ANTXR2: variants seen among roughly 807,000 people sequenced by gnomAD.
ANTXR2 encodes the protein anthrax toxin receptor 2.
Under a neutral mutation model 73.7 loss-of-function variants are expected in ANTXR2, and 44 were observed. That is an observed-to-expected ratio of 0.60 (90% CI 0.47 to 0.77). The LOEUF (loss-of-function observed/expected upper bound fraction) is 0.77, where lower values mean the gene tolerates loss of function less well. ANTXR2 is among the 30% of genes least tolerant of loss of function. The pLI is 0.00. For synonymous variants in ANTXR2, 217 were observed against 205.9 expected, an observed-to-expected ratio of 1.05 and a Z score of -0.46; for missense variants, 604 against 592.5, an observed-to-expected ratio of 1.02 and a Z score of -0.20.
At chr4:79,907,870 T>C (rs2109924007) in intron 16 of ANTXR2, among the ~76,000 whole-genome samples, 1 of 152,302 alleles carries the variant, frequency 6.6e-6, no homozygotes, top group Middle Eastern at 3.4e-3. Flanking sequence ...TCACATTTAG[T>C]AAGCAGTAAG....
At chr4:80,006,564 C>T (rs568563654) in intron 12 of ANTXR2, among the ~76,000 whole-genome samples, 7 of 152,108 alleles carry the variant, frequency 4.6e-5, no homozygotes, top group Non-Finnish European at 1.0e-4. Flanking sequence ...TTTCTGAGGA[C>T]GGGAAGCCTT....
chr4:80,005,798 T>C (rs984145344), intron 12 of ANTXR2, among the ~76,000 whole-genome samples: 1 of 152,140 alleles, frequency 6.6e-6, no homozygotes, highest in East Asian at 1.9e-4. Flanking sequence ...GACTAGACTT[T>C]AGCACTACTG....
chr4:79,920,595 G>C (rs761470370), intron 16 of ANTXR2, among the ~76,000 whole-genome samples: 3 of 152,078 alleles, frequency 2.0e-5, no homozygotes, highest in Non-Finnish European at 2.9e-5. Flanking sequence ...CAAGGGCAAA[G>C]GCTGTGGGGA....
intron 3 of ANTXR2, among the ~76,000 whole-genome samples, chr4:80,069,230 T>A (rs1183452812): frequency 6.6e-6 from 1 of 152,138 alleles, no homozygotes. Context: ...CACTGCACAT[T>A]CCACAGCCAC....
intron 12 of ANTXR2, among the ~76,000 whole-genome samples, chr4:79,996,393 C>T (rs1730731780): frequency 6.6e-6 from 1 of 151,640 alleles, no homozygotes; most frequent in Non-Finnish European, 1.5e-5. Flanking sequence ...TAGATAATTA[C>T]ACAGATAGTT....
chr4:79,963,317 T>G lies in ANTXR2; in HGVS notation c.1428+14304A>C, dbSNP rs145019193. Among the ~76,000 whole-genome samples, 287 of 152,278 alleles carry G rather than the reference T, an allele frequency of 1.9e-3. 2 individuals carry two copies. Among genetic ancestry groups the G allele is most frequent in the Non-Finnish European group, 2.2e-3 (150 of 68,014 alleles). ...TTTGCCTTTGACGTTATCAGGATTCTCGGGTCCCTTTTAAATGAACTTGTG... is the reference window on the plus strand; with the variant it reads ...TTTGCCTTTGACGTTATCAGGATTCGCGGGTCCCTTTTAAATGAACTTGTG... On this transcript the variant is annotated intron_variant, in intron 16 of 16. Coordinates refer to ENST00000403729, the MANE Select transcript of ANTXR2 (RefSeq NM_058172.6).
At chr4:79,908,729 T>C (rs892790930) in intron 16 of ANTXR2, among the ~76,000 whole-genome samples, 3 of 152,160 alleles carry the variant, frequency 2.0e-5, no homozygotes, top group Non-Finnish European at 4.4e-5. Flanking sequence ...AAAAAGCAGA[T>C]AGAAGATCAG....
intron 16 of ANTXR2, among the ~76,000 whole-genome samples, chr4:79,973,238 A>C (rs1170071201): frequency 6.6e-6 from 1 of 152,222 alleles, no homozygotes; most frequent in Non-Finnish European, 1.5e-5. Flanking sequence ...CAATTATCCT[A>C]ATAATGTACA....
chr4:79,958,417 G>A (rs1246385873), intron 16 of ANTXR2, among the ~76,000 whole-genome samples: 1 of 152,112 alleles, frequency 6.6e-6, no homozygotes. Context: ...CATGAAAAGT[G>A]TATTAAGAGC....
At chr4:80,043,603 T>C (rs1285008752) in intron 7 of ANTXR2, among the ~76,000 whole-genome samples, 2 of 152,026 alleles carry the variant, frequency 1.3e-5, no homozygotes, top group African/African-American at 4.8e-5. Flanking sequence ...TTCTCAATAG[T>C]TCAGGGAACA....
At chr4:79,911,168 T>G (rs781116018) in intron 16 of ANTXR2, among the ~76,000 whole-genome samples, 7 of 152,178 alleles carry the variant, frequency 4.6e-5, no homozygotes, top group Non-Finnish European at 7.3e-5. Flanking sequence ...GCAGAGCAAT[T>G]TTTATTTGCA....
At chr4:80,005,126 ATGTGACAGATAT>A (rs1731243479) in intron 12 of ANTXR2, among the ~76,000 whole-genome samples, 1 of 152,142 alleles carries the variant, frequency 6.6e-6, no homozygotes, top group African/African-American at 2.4e-5. Context: ...AATGAAGAAT[ATGTGACAGATAT>A]TGAGATTTCT....
Position 80,072,590 on chromosome 4 carries a change from C to T in ANTXR2, c.-30G>A. 6.7e-7 allele frequency: 1 copy of T among 1,484,816 alleles called. No homozygotes were observed. The highest frequency in any genetic ancestry group is 8.9e-7 in the Non-Finnish European group (1 of 1,119,034). 92.0% of individuals were successfully genotyped at this position (1,484,816 alleles called of 1,614,324 possible). On this transcript the variant is annotated 5_prime_UTR_variant, in exon 1 of 17. Coordinates refer to ENST00000403729, the MANE Select transcript of ANTXR2 (RefSeq NM_058172.6). ...CGGCCGGGGGCCTGAGACTCCCTCC[C>T]GCTCGCAGTCCCCTAAGCTCAGGAG...
chr4:79,943,601 G>T (rs987552182), intron 16 of ANTXR2, among the ~76,000 whole-genome samples: 2 of 96,226 alleles, frequency 2.1e-5, no homozygotes, highest in East Asian at 7.3e-4. Flanking sequence ...CGGGGGAGGG[G>T]GGAGGGATAG....
At chr4:80,000,624 C>T (rs565244162) in intron 12 of ANTXR2, among the ~76,000 whole-genome samples, 3 of 152,108 alleles carry the variant, frequency 2.0e-5, no homozygotes, top group Admixed American at 1.3e-4. Flanking sequence ...ACTTAAGCAT[C>T]ACCAAAAGGG....
At chr4:80,039,635 C>A (rs1299253311) in intron 7 of ANTXR2, among the ~76,000 whole-genome samples, 1 of 152,094 alleles carries the variant, frequency 6.6e-6, no homozygotes, top group Non-Finnish European at 1.5e-5. Context: ...CGAAAACCAA[C>A]AAATGCTGGT....
chr4:80,021,919 A>C (rs1472858796), intron 10 of ANTXR2, among the ~76,000 whole-genome samples: 1 of 152,228 alleles, frequency 6.6e-6, no homozygotes, highest in Admixed American at 6.5e-5. Flanking sequence ...ACTCATAATT[A>C]CAGGCAATTG....
At chr4:80,002,197 G>A (rs1017714669) in intron 12 of ANTXR2, among the ~76,000 whole-genome samples, 3 of 152,070 alleles carry the variant, frequency 2.0e-5, no homozygotes, top group Non-Finnish European at 4.4e-5. Flanking sequence ...GCATGGTACT[G>A]GTACCAAAAC....
intron 11 of ANTXR2, among the ~76,000 whole-genome samples, chr4:80,009,900 C>CTTTT: frequency 6.6e-6 from 1 of 150,486 alleles, no homozygotes; most frequent in South Asian, 2.1e-4. Flanking sequence ...AAAGAATGAA[C>CTTTT]TCTAAAGAAA....
Sources: allele counts gnomAD v4.1 joint callset (sites outside exome capture counted in the v4.1 genomes callset), GRCh38; gene constraint gnomAD v4.1.1; transcripts MANE v1.5; gene names NCBI Gene and HGNC (gene_info 2026-07-23, HGNC 2026-07-21).